Variants in COL5A1 observed in about 807,000 individuals in gnomAD.
The protein encoded by COL5A1 is collagen type V alpha 1 chain.
A neutral mutation model predicts 263.7 loss-of-function variants in COL5A1; 16 were observed. The observed-to-expected ratio is 0.06, with a 90% CI of 0.04 to 0.09. The LOEUF (loss-of-function observed/expected upper bound fraction) is 0.09, where lower values mean the gene tolerates loss of function less well. COL5A1 is among the 10% of genes least tolerant of loss of function. The pLI, the probability that COL5A1 is intolerant of heterozygous loss-of-function variation, is 1.00. For synonymous variants in COL5A1, 1,012 were observed against 1,004.5 expected (o/e 1.01, Z -0.14); for missense variants, 2,036 against 2,540.5 (o/e 0.80, Z 4.27).
intron 1 of COL5A1, among the ~76,000 whole-genome samples, chr9:134,670,925 C>A (rs528309725): frequency 6.7e-4 from 102 of 152,304 alleles, no homozygotes; most frequent in African/African-American, 2.4e-3. Flanking sequence ...TGTGCCTGGG[C>A]CTGCCTTCCA....
intron 29 of COL5A1, among the ~76,000 whole-genome samples, chr9:134,783,390 G>T (rs1367796267): frequency 6.6e-6 from 1 of 152,224 alleles, no homozygotes; most frequent in African/African-American, 2.4e-5. Flanking sequence ...CGGGCTGCAC[G>T]TTCCTGTAAT....
intron 19 of COL5A1, among the ~76,000 whole-genome samples, 189 bp from the exon 20 acceptor site, chr9:134,763,504 A>C (rs947704269): frequency 6.6e-6 from 1 of 152,240 alleles, no homozygotes; most frequent in African/African-American, 2.4e-5. Flanking sequence ...CTTCACCTGC[A>C]GTGTCTGCAC....
intron 11 of COL5A1, among the ~76,000 whole-genome samples, chr9:134,745,687 G>A (rs973818334): frequency 1.5e-4 from 23 of 152,174 alleles, no homozygotes; most frequent in African/African-American, 4.6e-4. Flanking sequence ...ATGAACGAAC[G>A]AATGGTGGGT....
intron 25 of COL5A1, among the ~76,000 whole-genome samples, chr9:134,772,334 C>T (rs2132740953): frequency 6.6e-6 from 1 of 152,372 alleles, no homozygotes; most frequent in South Asian, 2.1e-4. Flanking sequence ...GGAACCTGGT[C>T]CCAGCTCATT....
At chr9:134,712,652 C>T (rs1418320629) in intron 4 of COL5A1, among the ~76,000 whole-genome samples, 2 of 125,466 alleles carry the variant, frequency 1.6e-5, no homozygotes, top group Non-Finnish European at 3.3e-5. Context: ...TTCCTGTTCC[C>T]CCTCCTTCCT....
intron 61 of COL5A1, among the ~76,000 whole-genome samples, chr9:134,824,372 A>C (rs949509063): frequency 6.6e-6 from 1 of 152,180 alleles, no homozygotes; most frequent in Non-Finnish European, 1.5e-5. Flanking sequence ...GAGAAAGGAG[A>C]GGTGCTCCAT....
chr9:134,837,652 G>T (rs1839892822), intron 65 of COL5A1, among the ~76,000 whole-genome samples: 1 of 151,740 alleles, frequency 6.6e-6, no homozygotes, highest in African/African-American at 2.4e-5. Context: ...TCCACAAGCA[G>T]AGAGGGCTCT....
At chr9:134,796,286 C>T (rs1837905351) in intron 34 of COL5A1, 88 bp from the exon 35 acceptor site, 1 of 1,437,354 alleles carries the variant, frequency 7.0e-7, no homozygotes, top group East Asian at 2.3e-5. Flanking sequence ...ATATTTGACT[C>T]AGACGTTTTG....
intron 29 of COL5A1, among the ~76,000 whole-genome samples, 168 bp downstream of exon 29, chr9:134,782,888 ACT>A (rs1451843844): frequency 1.3e-5 from 2 of 149,728 alleles, no homozygotes; most frequent in Non-Finnish European, 3.0e-5. Context: ...CCAGGGCCCG[ACT>A]CTCTCCAGCT....
chr9:134,817,013 CT>C lies in COL5A1; in HGVS notation c.4123-12del. On this transcript the variant is annotated splice_polypyrimidine_tract_variant and intron_variant, in intron 52 of 65. Coordinates refer to ENST00000371817, the MANE Select transcript of COL5A1 (RefSeq NM_000093.5). Reference sequence around the variant, plus strand: ...CCCAATTCCTCACACTCTGTTCTTTCTCCCAATACCAGGGATCCCCCGGCCC... The same window carrying C: ...CCCAATTCCTCACACTCTGTTCTTTCCCCAATACCAGGGATCCCCCGGCCC... The C allele has an allele frequency of 6.2e-7, 1 of 1,613,558 alleles. No individual in the cohort carries two copies. The highest frequency in any genetic ancestry group is 8.5e-7 in the Non-Finnish European group (1 of 1,179,462).
intron 4 of COL5A1, among the ~76,000 whole-genome samples, chr9:134,711,172 G>A (rs1371465034): frequency 1.3e-5 from 2 of 152,082 alleles, no homozygotes; most frequent in Non-Finnish European, 2.9e-5. Context: ...CCTGGAAGAA[G>A]CCCCTGTGGG....
At chr9:134,803,549 C>T (rs937242067) in intron 39 of COL5A1, among the ~76,000 whole-genome samples, 12 of 151,704 alleles carry the variant, frequency 7.9e-5, no homozygotes, top group African/African-American at 2.7e-4. Flanking sequence ...GCAGGAGAAT[C>T]GCTTGAACCC....
intron 46 of COL5A1, among the ~76,000 whole-genome samples, chr9:134,812,237 A>AAATCTTTGC (rs1838551275): frequency 6.6e-6 from 1 of 152,146 alleles, no homozygotes; most frequent in African/African-American, 2.4e-5. Flanking sequence ...CCTTTGTCGT[A>AAATCTTTGC]AATCTTTGCA....
At chr9:134,831,616 G>A (rs1588611553) in intron 64 of COL5A1, among the ~76,000 whole-genome samples, 3 of 152,182 alleles carry the variant, frequency 2.0e-5, no homozygotes, top group Admixed American at 6.5e-5. Flanking sequence ...AGGTGGCAGG[G>A]TCCATTCTGC....
At chr9:134,817,402 G>A (rs964446713) in intron 53 of COL5A1, among the ~76,000 whole-genome samples, 1 of 152,230 alleles carries the variant, frequency 6.6e-6, no homozygotes. Context: ...AAATGAGAAG[G>A]CATCTTTTGC....
intron 48 of COL5A1, among the ~76,000 whole-genome samples, chr9:134,813,359 CT>C (rs1401140008): frequency 1.3e-5 from 2 of 152,192 alleles, no homozygotes; most frequent in Non-Finnish European, 2.9e-5. Context: ...CTTGAGCCCC[CT>C]GTGCACCGTT....
chr9:134,643,690 C>T (rs1266893615), intron 1 of COL5A1, among the ~76,000 whole-genome samples: 2 of 152,084 alleles, frequency 1.3e-5, no homozygotes, highest in Admixed American at 1.3e-4. Flanking sequence ...CAGGGGTTAG[C>T]TGAAGGTGGG....
chr9:134,756,742 C>T (rs375072301), intron 16 of COL5A1, 23 bp from the exon 17 acceptor site: 42 of 1,613,488 alleles, frequency 2.6e-5, no homozygotes, highest in Middle Eastern at 3.3e-4. Flanking sequence ...TTTGCATTGA[C>T]GGTTTTGCCT....
At position 134,811,372 on chromosome 9, in the gene COL5A1, A is replaced by G. The variant is rs1588577285; in HGVS notation, c.3562A>G (p.Ile1188Val). ...TGGGCCTACAGGTCCTCAAGGCCCC[A>G]TCGGACAGCCAGGCCCCTCTGTGAG... ...PPGPTGPQGP[I>V]GQPGPSGADG... Residue 1188 changes from isoleucine (I) to valine (V), a missense_variant, in exon 45 of 66, where the codon ATC (isoleucine) becomes GTC (valine). By Grantham distance (29) the Ile-to-Val change is conservative (BLOSUM62 3). Transcript: ENST00000371817. The G allele has an allele frequency of 6.2e-7, 1 of 1,612,666 alleles. No homozygotes were observed. Among genetic ancestry groups the G allele is most frequent in the South Asian group, 1.1e-5 (1 of 91,004 alleles).
Sources: gnomAD v4.1 joint callset for allele counts (sites outside exome capture counted in the v4.1 genomes callset) on GRCh38, gnomAD v4.1.1 for gene constraint, MANE v1.5 for transcripts, NCBI Gene and HGNC (gene_info 2026-07-23, HGNC 2026-07-21) for gene names.